Variants in LOC400499 observed in about 807,000 individuals in gnomAD.
At chr16:11,434,371 A>G in the LOC400499 span, among the ~76,000 whole-genome samples, 1 of 152,118 alleles carries the variant, frequency 6.6e-6, no homozygotes. Context: ...AAAAAGTACA[A>G]AAATTATCCA....
the LOC400499 span, among the ~76,000 whole-genome samples, chr16:11,409,623 A>G: frequency 6.6e-6 from 1 of 152,258 alleles, no homozygotes; most frequent in African/African-American, 2.4e-5. Context: ...GATTTAAAAC[A>G]AAACAAAACA....
chr16:11,476,466 C>G, the LOC400499 span, among the ~76,000 whole-genome samples: 1 of 152,060 alleles, frequency 6.6e-6, no homozygotes, highest in African/African-American at 2.4e-5. Flanking sequence ...CTCGTGGACA[C>G]ACACGCACTC....
chr16:11,435,651 G>C, the LOC400499 span: 1 of 399,390 alleles, frequency 2.5e-6, no homozygotes, highest in South Asian at 1.3e-4. Flanking sequence ...AGGCCACCTG[G>C]GGACCATTAC....
At chr16:11,431,837 C>G in the LOC400499 span, among the ~76,000 whole-genome samples, 1 of 152,224 alleles carries the variant, frequency 6.6e-6, no homozygotes, top group Non-Finnish European at 1.5e-5. Context: ...CACGTGAGAT[C>G]TATGTCCTCT....
At chr16:11,402,432 C>T in the LOC400499 span, among the ~76,000 whole-genome samples, 1 of 152,210 alleles carries the variant, frequency 6.6e-6, no homozygotes, top group African/African-American at 2.4e-5. Context: ...CCTCCCCAGC[C>T]CTTGAAGCTG....
At chr16:11,423,025 G>T in the LOC400499 span, among the ~76,000 whole-genome samples, 287 of 150,550 alleles carry the variant, frequency 1.9e-3, no homozygotes, top group African/African-American at 6.5e-3. Flanking sequence ...GATGTGGGGG[G>T]CTTTTGAAGG....
the LOC400499 span, among the ~76,000 whole-genome samples, chr16:11,393,047 G>T: frequency 6.6e-6 from 1 of 151,952 alleles, no homozygotes; most frequent in Non-Finnish European, 1.5e-5. Flanking sequence ...GTAGAGATGG[G>T]GTTTCACCGT....
the LOC400499 span, among the ~76,000 whole-genome samples, chr16:11,451,235 G>A: frequency 6.6e-6 from 1 of 152,196 alleles, no homozygotes; most frequent in Non-Finnish European, 1.5e-5. Context: ...GAGGATGCTG[G>A]TAATCACTGT....
the LOC400499 span, among the ~76,000 whole-genome samples, chr16:11,454,176 A>G: frequency 6.6e-6 from 1 of 152,380 alleles, no homozygotes; most frequent in East Asian, 1.9e-4. Context: ...AAAACAATGG[A>G]GCAATGCCTT....
chr16:11,393,481 C>T, the LOC400499 span: 2 of 1,232,344 alleles, frequency 1.6e-6, no homozygotes, highest in Non-Finnish European at 2.0e-6. Context: ...ACGCTTCCCT[C>T]CAACCGGACC....
the LOC400499 span, among the ~76,000 whole-genome samples, chr16:11,405,592 G>A: frequency 6.6e-6 from 1 of 152,148 alleles, no homozygotes; most frequent in Non-Finnish European, 1.5e-5. Flanking sequence ...ACAGTCCGAG[G>A]GTGACTTGAG....
chr16:11,460,689 G>A, the LOC400499 span: 8 of 1,448,262 alleles, frequency 5.5e-6, no homozygotes, highest in Non-Finnish European at 7.3e-6. Flanking sequence ...AGGAGGGCCC[G>A]GCCCAGCCTG....
At chr16:11,450,936 G>A in the LOC400499 span, 10 of 908,186 alleles carry the variant, frequency 1.1e-5, no homozygotes, top group South Asian at 1.7e-5. Context: ...TCAAAACTGG[G>A]AATAACTAGG....
the LOC400499 span, among the ~76,000 whole-genome samples, chr16:11,480,059 A>G: frequency 6.6e-6 from 1 of 152,288 alleles, no homozygotes; most frequent in South Asian, 2.1e-4. Context: ...GCAACAAGGA[A>G]CCAGAGCTGA....
the LOC400499 span, chr16:11,471,358 G>A: frequency 3.7e-6 from 1 of 269,932 alleles, no homozygotes; most frequent in South Asian, 1.7e-4. Context: ...GGGAAGAAAT[G>A]TGGTTGTCTT....
the LOC400499 span, among the ~76,000 whole-genome samples, chr16:11,390,793 G>C: frequency 6.6e-6 from 1 of 152,250 alleles, no homozygotes; most frequent in African/African-American, 2.4e-5. Flanking sequence ...TTGCTTCCTA[G>C]GAGTCTGACA....
chr16:11,419,883 A>G, the LOC400499 span, among the ~76,000 whole-genome samples: 6 of 151,578 alleles, frequency 4.0e-5, no homozygotes, highest in South Asian at 1.3e-3. Flanking sequence ...GCAAATCAAA[A>G]CCACAATGAG....
the LOC400499 span, chr16:11,478,672 C>A: frequency 2.6e-4 from 105 of 399,222 alleles, 1 homozygote; most frequent in East Asian, 3.6e-3. Context: ...CCGGGCCCCA[C>A]GCCTCCGGGT....
the LOC400499 span, among the ~76,000 whole-genome samples, chr16:11,527,194 C>T: frequency 1.3e-5 from 2 of 152,180 alleles, no homozygotes; most frequent in African/African-American, 2.4e-5. Flanking sequence ...GGGCCAGCCC[C>T]GTGCCACCAG....
Sources: allele counts gnomAD v4.1 joint callset (sites outside exome capture counted in the v4.1 genomes callset), GRCh38; gene constraint gnomAD v4.1.1; transcripts MANE v1.5.